BIRC5: variants seen among roughly 807,000 people sequenced by gnomAD.
BIRC5 encodes the protein baculoviral IAP repeat containing 5.
A neutral mutation model predicts 15.8 loss-of-function variants in BIRC5; 8 were observed. The observed-to-expected ratio is 0.51, with a 90% confidence interval of 0.30 to 0.91. BIRC5 has a LOEUF of 0.91. Among genes scored for constraint, BIRC5 ranks in the 40% least tolerant of loss-of-function variants. The pLI, the probability that BIRC5 is intolerant of heterozygous loss-of-function variation, is 0.07. For missense variants in BIRC5, 163 were observed against 178.6 expected (o/e 0.91, Z 0.50); for synonymous variants, 56 against 64.5 (o/e 0.87, Z 0.63).
chr17:78,217,592 GT>G (rs2076488337), intron 3 of BIRC5, among the ~76,000 whole-genome samples: 1 of 152,028 alleles, frequency 6.6e-6, no homozygotes, highest in African/African-American at 2.4e-5. Context: ...CGCCCCCCAG[GT>G]TCAAGCCATT....
intron 3 of BIRC5, chr17:78,222,815 A>AT: frequency 6.5e-7 from 1 of 1,535,956 alleles, no homozygotes; most frequent in Non-Finnish European, 8.7e-7. Flanking sequence ...TGTGATTGTC[A>AT]TTTGCCCCTT....
intron 3 of BIRC5, 38 bp downstream of exon 3, chr17:78,216,819 A>C (rs2076481672): frequency 1.3e-6 from 2 of 1,512,876 alleles, no homozygotes; most frequent in Non-Finnish European, 1.8e-6. Flanking sequence ...AACCCTGTTC[A>C]ATGTCTTTAG....
chr17:78,214,518 G>A (rs2076463522), intron 1 of BIRC5, 91 bp downstream of exon 1: 1 of 1,329,572 alleles, frequency 7.5e-7, no homozygotes, highest in African/African-American at 1.5e-5. Flanking sequence ...GGTACAAGCC[G>A]CCCTCCCCTC....
At chr17:78,223,032 C>T in intron 3 of BIRC5, 2 of 1,283,234 alleles carry the variant, frequency 1.6e-6, no homozygotes, top group Non-Finnish European at 2.0e-6. Context: ...CCTAGACTAG[C>T]TGGGGTGCCT....
In BIRC5 at chr17:78,221,170, A is replaced by G. The variant is rs1019467959; in HGVS notation, c.340-2295A>G. 6.6e-5 allele frequency among the ~76,000 whole-genome samples: 10 copies of G among 152,370 alleles called. No homozygotes were observed. The East Asian group carries it at 1.9e-3, about 29-fold the overall frequency. On this transcript the variant is annotated intron_variant, in intron 3 of 3. Coordinates refer to ENST00000350051, the MANE Select transcript of BIRC5 (RefSeq NM_001168.3). ...AAACTGAACAACTTAGTTCTTCATA[A>G]GAGTTTACTTGGTAAATACTTGTGA...
In BIRC5 at chr17:78,214,748, C is replaced by T; in HGVS notation, c.180C>T (p.Cys60=). The part of the protein sequence containing the change: ...NEPDLAQCFF[C]FKELEGWEPD... ...CAGACTTGGCCCAGTGTTTCTTCTGCTTCAAGGAGCTGGAAGGCTGGGAGC... is the reference window on the plus strand; with the variant it reads ...CAGACTTGGCCCAGTGTTTCTTCTGTTTCAAGGAGCTGGAAGGCTGGGAGC... The change falls in exon 2 of 4, where the codon TGC becomes TGT. Residue 60 remains cysteine, a synonymous_variant. Transcript: ENST00000350051. 1.9e-6 allele frequency: 3 copies of T among 1,613,146 alleles called. No individual in the cohort carries two copies.
intron 3 of BIRC5, among the ~76,000 whole-genome samples, chr17:78,218,440 C>G (rs573748688): frequency 6.6e-6 from 1 of 150,714 alleles, no homozygotes; most frequent in South Asian, 2.1e-4. Flanking sequence ...ACTACAGGCA[C>G]GCACCACCAT....
chr17:78,221,817 T>C (rs1161168428), intron 3 of BIRC5, among the ~76,000 whole-genome samples: 4 of 152,246 alleles, frequency 2.6e-5, no homozygotes, highest in South Asian at 2.1e-4. Context: ...TGTGTGTATA[T>C]ATATTTTAAA....
chr17:78,220,942 T>C (rs1659697837), intron 3 of BIRC5, among the ~76,000 whole-genome samples: 2 of 152,154 alleles, frequency 1.3e-5, no homozygotes, highest in African/African-American at 4.8e-5. Context: ...AGATCCCAGA[T>C]TTGATGGCAG....
At chr17:78,222,259 TTTAAA>T (rs2076520455) in intron 3 of BIRC5, among the ~76,000 whole-genome samples, 2 of 150,642 alleles carry the variant, frequency 1.3e-5, no homozygotes, top group Admixed American at 1.3e-4. Context: ...ATTTATTATT[TTTAAA>T]TTAAATTTTC....
rs2076529934 is a variant in BIRC5 at position 78,223,646 on chromosome 17, G to A, written c.*92G>A. The A allele has an allele frequency of 3.2e-6, 5 of 1,584,580 alleles. No homozygotes were observed. The Admixed American group carries it at 5.6e-5, about 18-fold the overall frequency. ...CACCAGCCTTCCTGTGGGCCCCTTAGCAATGTCTTAGGAAAGGAGATCAAC... is the reference window on the plus strand; with the variant it reads ...CACCAGCCTTCCTGTGGGCCCCTTAACAATGTCTTAGGAAAGGAGATCAAC... On this transcript the variant is annotated 3_prime_UTR_variant, in exon 4 of 4. Transcript: ENST00000350051.
Position 78,216,689 on chromosome 17 carries a change from G to A in BIRC5, c.247G>A (p.Gly83Ser), listed in dbSNP as rs200189113. 2.2e-5 allele frequency: 35 copies of A among 1,613,782 alleles called. No individual in the cohort carries two copies. In the African/African-American group the frequency reaches 2.4e-4, roughly 11 times the overall value. The change falls in exon 3 of 4, where the codon GGT becomes AGT. Residue 83 changes from glycine to serine, a missense_variant. Coordinates refer to ENST00000350051, the MANE Select transcript of BIRC5 (RefSeq NM_001168.3). ...AGAGGAACATAAAAAGCATTCGTCC[G>A]GTTGCGCTTTCCTTTCTGTCAAGAA... ...PIEEHKKHSS[G>S]CAFLSVKKQF...
At chr17:78,216,076 C>G (rs762944817) in intron 2 of BIRC5, 2 of 658,096 alleles carry the variant, frequency 3.0e-6, no homozygotes, top group Non-Finnish European at 3.9e-6. Context: ...GGTGAAACCC[C>G]GTCTCCACTA....
At position 78,214,339 on chromosome 17, in the gene BIRC5, C is replaced by T. The variant is rs543367853; in HGVS notation, c.23C>T (p.Pro8Leu). Reference sequence around the variant, plus strand: ...GGCATGGGTGCCCCGACGTTGCCCCCTGCCTGGCAGCCCTTTCTCAAGGAC... The same window carrying T: ...GGCATGGGTGCCCCGACGTTGCCCCTTGCCTGGCAGCCCTTTCTCAAGGAC... MGAPTLP[P>L]AWQPFLKDHR... Residue 8 changes from proline to leucine, a missense_variant, in exon 1 of 4, where the codon CCT becomes CTT. Pro to Leu is a moderately conservative substitution (Grantham distance 98). Transcript: ENST00000350051. 2.5e-6 allele frequency: 4 copies of T among 1,608,894 alleles called. No individual in the cohort carries two copies. In the South Asian group the frequency reaches 3.3e-5, roughly 13 times the overall value.
intron 2 of BIRC5, chr17:78,215,865 T>C (rs1221729622): frequency 9.4e-7 from 1 of 1,061,800 alleles, no homozygotes; most frequent in Non-Finnish European, 1.2e-6. Flanking sequence ...GATAGTCAGT[T>C]ATACAGGGAG....
chr17:78,222,183 CAG>C, intron 3 of BIRC5, among the ~76,000 whole-genome samples: 1 of 148,268 alleles, frequency 6.7e-6, no homozygotes, highest in Non-Finnish European at 1.5e-5. Flanking sequence ...GCCTGGATGA[CAG>C]AGCGAGACCC....
intron 1 of BIRC5, 60 bp from the exon 2 acceptor site, chr17:78,214,620 G>T: frequency 6.8e-7 from 1 of 1,479,302 alleles, no homozygotes. Context: ...AGGCCTTTGT[G>T]GCTGGGCCTC....
At position 78,214,304 on chromosome 17, in the gene BIRC5, TGGC is replaced by T; in HGVS notation, c.-3_-1del. 4.4e-6 allele frequency: 7 copies of T among 1,596,026 alleles called. No individual in the cohort carries two copies. The highest frequency in any genetic ancestry group is 1.4e-5 in the African/African-American group (1 of 73,908). On this transcript the variant is annotated 5_prime_UTR_variant, in exon 1 of 4. Coordinates refer to ENST00000350051, the MANE Select transcript of BIRC5 (RefSeq NM_001168.3). ...GAATCGCGGGACCCGTTGGCAGAGG[TGGC>T]GGCGGCGGCATGGGTGCCCCGACGT...
At chr17:78,216,550 T>C (rs1185119695) in intron 2 of BIRC5, 114 bp from the exon 3 acceptor site, 10 of 829,760 alleles carry the variant, frequency 1.2e-5, no homozygotes, top group African/African-American at 6.8e-5. Flanking sequence ...GACGTCTTAC[T>C]CCTGAGGCAG....
Sources: gnomAD v4.1 joint callset for allele counts (sites outside exome capture counted in the v4.1 genomes callset) on GRCh38, gnomAD v4.1.1 for gene constraint, MANE v1.5 for transcripts, NCBI Gene and HGNC (gene_info 2026-07-23, HGNC 2026-07-21) for gene names.